SUPT3H: variants seen among roughly 807,000 people sequenced by gnomAD.
SUPT3H encodes SPT3 homolog, SAGA and STAGA complex component.
Under a neutral mutation model 44.3 loss-of-function variants are expected in SUPT3H, and 44 were observed. The ratio of observed to expected loss-of-function variants is 0.99; its 90% CI spans 0.78 to 1.28. The LOEUF is 1.28. Among genes scored for constraint, SUPT3H ranks in the 50% most tolerant of loss-of-function variants. SUPT3H has a pLI of 0.00. For synonymous variants in SUPT3H, 124 were observed against 125.6 expected, an observed-to-expected ratio of 0.99 and a Z score of 0.09; for missense variants, 380 against 387.1, an observed-to-expected ratio of 0.98 and a Z score of 0.15.
At chr6:44,964,235 C>T (rs1388303848) in intron 6 of SUPT3H, among the ~76,000 whole-genome samples, 1 of 151,998 alleles carries the variant, frequency 6.6e-6, no homozygotes, top group Non-Finnish European at 1.5e-5. Flanking sequence ...TTCCACAGGG[C>T]AAATGACTAT....
At chr6:45,107,590 T>TA (rs1562473362) in intron 2 of SUPT3H, among the ~76,000 whole-genome samples, 2 of 152,078 alleles carry the variant, frequency 1.3e-5, no homozygotes, top group Admixed American at 6.5e-5. Context: ...CATATAGCCT[T>TA]AAAAAAAGGC....
chr6:45,179,513 C>CA (rs1175204180), intron 2 of SUPT3H, among the ~76,000 whole-genome samples: 2 of 152,142 alleles, frequency 1.3e-5, no homozygotes, highest in African/African-American at 4.8e-5. Context: ...AGCAGCACAT[C>CA]AAAAAACTTA....
intron 3 of SUPT3H, among the ~76,000 whole-genome samples, chr6:45,064,895 G>A (rs1203967263): frequency 7.1e-6 from 1 of 141,216 alleles, no homozygotes; most frequent in African/African-American, 2.6e-5. Flanking sequence ...ACATTAGACA[G>A]ATCAACGAGA....
chr6:45,166,356 A>C (rs1197412742), intron 2 of SUPT3H, among the ~76,000 whole-genome samples: 7 of 152,174 alleles, frequency 4.6e-5, no homozygotes, highest in Non-Finnish European at 1.5e-5. Context: ...TAGGAGGCCA[A>C]GGCGGGAGGA....
intron 2 of SUPT3H, among the ~76,000 whole-genome samples, chr6:45,192,110 C>A (rs982342603): frequency 6.6e-6 from 1 of 152,036 alleles, no homozygotes; most frequent in Non-Finnish European, 1.5e-5. Flanking sequence ...TCCAGTACTC[C>A]CATTCTCTAA....
intron 3 of SUPT3H, among the ~76,000 whole-genome samples, chr6:45,103,475 G>C (rs1798868096): frequency 6.6e-6 from 1 of 152,010 alleles, no homozygotes; most frequent in Non-Finnish European, 1.5e-5. Flanking sequence ...AACCCACTAA[G>C]ATACATTTTC....
chr6:44,885,646 C>T (rs6932576), intron 10 of SUPT3H, among the ~76,000 whole-genome samples: 4,547 of 152,172 alleles, frequency 0.03, 246 homozygotes, highest in African/African-American at 0.1. Context: ...CAAAAGAAGA[C>T]AAAACCACAA....
intron 2 of SUPT3H, among the ~76,000 whole-genome samples, chr6:45,130,322 G>A (rs1294969045): frequency 5.3e-5 from 8 of 151,992 alleles, no homozygotes; most frequent in East Asian, 3.9e-4. Context: ...ATGTTTTTAC[G>A]GGTCATCCAT....
chr6:45,274,218 A>G (rs1776660056), intron 2 of SUPT3H, among the ~76,000 whole-genome samples: 1 of 152,174 alleles, frequency 6.6e-6, no homozygotes, highest in Non-Finnish European at 1.5e-5. Flanking sequence ...ATTTTCAGAA[A>G]TTTTCTCCCA....
chr6:45,114,628 ATATCTT>A (rs1160065747), intron 2 of SUPT3H, among the ~76,000 whole-genome samples: 1 of 152,170 alleles, frequency 6.6e-6, no homozygotes, highest in Non-Finnish European at 1.5e-5. Context: ...AACTAGCAGA[ATATCTT>A]TATGAATTTC....
chr6:45,230,040 G>T (rs977801484), intron 2 of SUPT3H, among the ~76,000 whole-genome samples: 8 of 151,932 alleles, frequency 5.3e-5, no homozygotes, highest in African/African-American at 1.9e-4. Context: ...ATGTCCATTA[G>T]ATCTAGTGTT....
chr6:45,081,541 A>G (rs1299454573), intron 3 of SUPT3H, among the ~76,000 whole-genome samples: 1 of 152,114 alleles, frequency 6.6e-6, no homozygotes, highest in Non-Finnish European at 1.5e-5. Context: ...ATATACCATT[A>G]TATCCCCAGT....
intron 5 of SUPT3H, among the ~76,000 whole-genome samples, chr6:45,007,491 A>G (rs941934275): frequency 5.9e-5 from 9 of 151,914 alleles, no homozygotes; most frequent in Admixed American, 5.9e-4. Flanking sequence ...TAACTATTGC[A>G]TTTTATTCTC....
intron 6 of SUPT3H, among the ~76,000 whole-genome samples, chr6:44,987,545 T>G (rs559682252): frequency 1.5e-4 from 23 of 152,202 alleles, no homozygotes; most frequent in African/African-American, 5.1e-4. Flanking sequence ...AGTAGCAACC[T>G]TAACAAGAGT....
At chr6:45,222,336 G>A (rs758593770) in intron 2 of SUPT3H, among the ~76,000 whole-genome samples, 24 of 152,070 alleles carry the variant, frequency 1.6e-4, no homozygotes, top group Non-Finnish European at 2.8e-4. Flanking sequence ...AACACTCAAC[G>A]CTTGACAGTA....
At chr6:44,906,491 C>T (rs538433650) in intron 10 of SUPT3H, among the ~76,000 whole-genome samples, 14 of 152,226 alleles carry the variant, frequency 9.2e-5, no homozygotes, top group East Asian at 1.9e-4. Flanking sequence ...TGGCTGGGCG[C>T]GGTGGCTCAT....
At chr6:44,936,161 T>C (rs1347848422) in intron 9 of SUPT3H, among the ~76,000 whole-genome samples, 1 of 152,210 alleles carries the variant, frequency 6.6e-6, no homozygotes, top group African/African-American at 2.4e-5. Flanking sequence ...AAGTATTGTC[T>C]TTCTCCTGTT....
intron 2 of SUPT3H, among the ~76,000 whole-genome samples, chr6:45,123,300 A>G (rs1472602824): frequency 6.6e-6 from 1 of 152,158 alleles, no homozygotes; most frequent in Non-Finnish European, 1.5e-5. Flanking sequence ...GTCTAATTTA[A>G]TTAAAATTCT....
In SUPT3H at chr6:45,030,989, C is replaced by T. The variant is rs557630142; in HGVS notation, c.187-10357G>A. Among the ~76,000 whole-genome samples the T allele has an allele frequency of 4.3e-4, 66 of 152,142 alleles. 1 individual carries two copies. The highest frequency in any genetic ancestry group is 1.5e-3 in the African/African-American group (61 of 41,512). ...TAGATTATTACCTCCAAGTTATAGTCGAATACAGTAGTCGAAGCTTTAAAA... is the reference window on the plus strand; with the variant it reads ...TAGATTATTACCTCCAAGTTATAGTTGAATACAGTAGTCGAAGCTTTAAAA... On this transcript the variant is annotated intron_variant, in intron 3 of 10. Transcript: ENST00000371459.
Sources: gnomAD v4.1 joint callset for allele counts (sites outside exome capture counted in the v4.1 genomes callset) on GRCh38, gnomAD v4.1.1 for gene constraint, MANE v1.5 for transcripts, NCBI Gene and HGNC (gene_info 2026-07-23, HGNC 2026-07-21) for gene names.